Variants in ROR2 observed in about 807,000 individuals in gnomAD.
ROR2 encodes ROR family WNT receptor 2.
Under a neutral mutation model 74.9 loss-of-function variants are expected in ROR2, and 33 were observed. That is an observed-to-expected ratio of 0.44 (90% CI 0.33 to 0.59). ROR2 has a LOEUF of 0.59. Among genes scored for constraint, ROR2 ranks in the 20% least tolerant of loss-of-function variants. ROR2 has a pLI of 0.02. For missense variants in ROR2, 1,216 were observed against 1,313.8 expected (o/e 0.93, Z 1.15); for synonymous variants, 586 against 558.7 (o/e 1.05, Z -0.69).
chr9:91,949,481 C>T (rs1190996834), intron 1 of ROR2, among the ~76,000 whole-genome samples: 2 of 152,048 alleles, frequency 1.3e-5, no homozygotes, highest in African/African-American at 2.4e-5. Context: ...AGGAAGACCT[C>T]GGGGAGGAAG....
intron 1 of ROR2, among the ~76,000 whole-genome samples, chr9:91,904,692 TCCCATC>T (rs768200155): frequency 8.3e-4 from 127 of 152,218 alleles, no homozygotes; most frequent in Admixed American, 3.4e-3. Context: ...GCTGTAAAGA[TCCCATC>T]TCCACCCCAG....
chr9:91,873,881 G>A (rs575692695), intron 1 of ROR2, among the ~76,000 whole-genome samples: 6 of 152,344 alleles, frequency 3.9e-5, no homozygotes, highest in African/African-American at 1.4e-4. Flanking sequence ...TATTCAGGCT[G>A]TAAATTACCT....
At chr9:91,867,611 G>A (rs1243243038) in intron 1 of ROR2, among the ~76,000 whole-genome samples, 2 of 151,202 alleles carry the variant, frequency 1.3e-5, no homozygotes, top group African/African-American at 2.4e-5. Flanking sequence ...ACTCAGAAAA[G>A]TGACCCTTTA....
intron 4 of ROR2, 110 bp downstream of exon 4, chr9:91,755,961 T>A (rs977564808): frequency 1.6e-6 from 2 of 1,212,604 alleles, no homozygotes; most frequent in African/African-American, 3.0e-5. Flanking sequence ...CCCAGCCAAC[T>A]TCTAGCAAAT....
At chr9:91,938,051 C>A (rs1831749142) in intron 1 of ROR2, among the ~76,000 whole-genome samples, 1 of 152,178 alleles carries the variant, frequency 6.6e-6, no homozygotes, top group African/African-American at 2.4e-5. Flanking sequence ...GAGCAGCTTC[C>A]TTGTTAGAGT....
intron 4 of ROR2, among the ~76,000 whole-genome samples, chr9:91,742,029 A>G (rs1825268674): frequency 6.6e-6 from 1 of 152,210 alleles, no homozygotes; most frequent in African/African-American, 2.4e-5. Flanking sequence ...TTTTCATACC[A>G]CTGATAAAAG....
At chr9:91,889,093 C>T (rs1172646060) in intron 1 of ROR2, among the ~76,000 whole-genome samples, 1 of 152,174 alleles carries the variant, frequency 6.6e-6, no homozygotes, top group African/African-American at 2.4e-5. Context: ...TCCCCCATGC[C>T]TAGCCAATAA....
intron 1 of ROR2, among the ~76,000 whole-genome samples, chr9:91,841,651 C>A (rs904392445): frequency 6.6e-6 from 1 of 152,202 alleles, no homozygotes; most frequent in Admixed American, 6.5e-5. Context: ...GCCCGGTGGG[C>A]TCCTGAGCAG....
intron 1 of ROR2, among the ~76,000 whole-genome samples, chr9:91,942,285 C>T (rs1176685823): frequency 1.3e-5 from 2 of 152,178 alleles, no homozygotes; most frequent in Non-Finnish European, 2.9e-5. Flanking sequence ...CATCCATCTG[C>T]CCAAATCTGT....
intron 1 of ROR2, among the ~76,000 whole-genome samples, chr9:91,792,531 A>T (rs986154437): frequency 2.6e-5 from 4 of 152,130 alleles, no homozygotes; most frequent in Non-Finnish European, 5.9e-5. Flanking sequence ...GATGGTCTCG[A>T]TCTCCTGACC....
intron 1 of ROR2, among the ~76,000 whole-genome samples, chr9:91,787,940 T>C (rs1005137552): frequency 2.0e-5 from 3 of 152,222 alleles, no homozygotes; most frequent in African/African-American, 7.2e-5. Context: ...TAGGATGTTA[T>C]AAATATGTTC....
intron 1 of ROR2, among the ~76,000 whole-genome samples, chr9:91,861,594 A>G (rs904499089): frequency 2.0e-5 from 3 of 152,260 alleles, no homozygotes; most frequent in Admixed American, 1.3e-4. Flanking sequence ...CACTAAGTAC[A>G]CAAAAATTTA....
At chr9:91,922,338 A>C (rs1213763054) in intron 1 of ROR2, among the ~76,000 whole-genome samples, 1 of 152,234 alleles carries the variant, frequency 6.6e-6, no homozygotes, top group Non-Finnish European at 1.5e-5. Flanking sequence ...ATGAAATGTT[A>C]CTTGGAAATC....
intron 1 of ROR2, among the ~76,000 whole-genome samples, chr9:91,879,216 C>G (rs1355604731): frequency 6.6e-6 from 1 of 152,108 alleles, no homozygotes; most frequent in East Asian, 1.9e-4. Flanking sequence ...GTAATCGGAA[C>G]AGACTGGGCC....
chr9:91,778,249 C>A (rs1336608953), intron 1 of ROR2, among the ~76,000 whole-genome samples: 2 of 152,258 alleles, frequency 1.3e-5, no homozygotes, highest in African/African-American at 4.8e-5. Flanking sequence ...GGTACACATA[C>A]TGAGCACGTG....
intron 1 of ROR2, among the ~76,000 whole-genome samples, chr9:91,805,674 C>A (rs1827523048): frequency 6.6e-6 from 1 of 152,196 alleles, no homozygotes; most frequent in South Asian, 2.1e-4. Context: ...CACACCCATG[C>A]ACATGCTCAC....
intron 1 of ROR2, among the ~76,000 whole-genome samples, chr9:91,779,263 A>G (rs999184389): frequency 2.0e-5 from 3 of 152,184 alleles, no homozygotes; most frequent in Non-Finnish European, 4.4e-5. Context: ...TAAAAAGCTT[A>G]CTGAAGAACA....
rs778257673 is a variant in ROR2, at chr9:91,931,911, T to A, written c.97+17956A>T. 1.2e-3 allele frequency among the ~76,000 whole-genome samples: 176 copies of A among 152,298 alleles called. 3 individuals are homozygous for A. Among genetic ancestry groups the A allele is most frequent in the Middle Eastern group, 3.4e-3 (1 of 294 alleles). Reference sequence around the variant, plus strand: ...TCTAAAGTTTATCTAGAAAAATAAGTGACACTAGCCAATAAAGTTCTGGGA... The same window carrying A: ...TCTAAAGTTTATCTAGAAAAATAAGAGACACTAGCCAATAAAGTTCTGGGA... On this transcript the variant is annotated intron_variant, in intron 1 of 8. Coordinates refer to ENST00000375708, the MANE Select transcript of ROR2 (RefSeq NM_004560.4).
intron 1 of ROR2, among the ~76,000 whole-genome samples, chr9:91,882,410 CA>C (rs35759814): frequency 0.37 from 43,983 of 118,410 alleles, 6,726 homozygotes; most frequent in East Asian, 0.52. Flanking sequence ...GACTCTGTCT[CA>C]AAAAAAAAAA....
Sources: gnomAD v4.1 joint callset for allele counts (sites outside exome capture counted in the v4.1 genomes callset) on GRCh38, gnomAD v4.1.1 for gene constraint, MANE v1.5 for transcripts, NCBI Gene and HGNC (gene_info 2026-07-23, HGNC 2026-07-21) for gene names.